THRB: variants seen among roughly 807,000 people sequenced by gnomAD.
THRB encodes the protein nuclear receptor subfamily 1 group A member 2.
Under a neutral mutation model 47.8 loss-of-function variants are expected in THRB, and 12 were observed. The ratio of observed to expected loss-of-function variants is 0.25; its 90% CI spans 0.16 to 0.41. The LOEUF (loss-of-function observed/expected upper bound fraction) is 0.41. THRB is among the 10% of genes least tolerant of loss of function. The pLI is 1.00. For synonymous variants in THRB, 218 were observed against 212.2 expected, an observed-to-expected ratio of 1.03 and a Z score of -0.24; for missense variants, 348 against 589.2, an observed-to-expected ratio of 0.59 and a Z score of 4.24.
At chr3:24,351,402 T>C (rs1301884307) in intron 1 of THRB, among the ~76,000 whole-genome samples, 3 of 152,170 alleles carry the variant, frequency 2.0e-5, no homozygotes, top group Admixed American at 6.6e-5. Flanking sequence ...CTTACTAAGA[T>C]GGTTTCCCAG....
chr3:24,461,146 A>G (rs2073660067), intron 1 of THRB, among the ~76,000 whole-genome samples: 1 of 152,236 alleles, frequency 6.6e-6, no homozygotes, highest in Non-Finnish European at 1.5e-5. Context: ...AGTCACTAAG[A>G]AAAAAGAATT....
intron 1 of THRB, among the ~76,000 whole-genome samples, chr3:24,347,826 G>A (rs2063119315): frequency 6.6e-6 from 1 of 151,964 alleles, no homozygotes; most frequent in African/African-American, 2.4e-5. Flanking sequence ...AACTGAATTT[G>A]TACCTACAAA....
intron 4 of THRB, among the ~76,000 whole-genome samples, chr3:24,227,388 C>A (rs868431019): frequency 6.6e-6 from 1 of 152,126 alleles, no homozygotes; most frequent in Admixed American, 6.5e-5. Context: ...TGGTTTATGA[C>A]GTAGAAGGAG....
intron 4 of THRB, among the ~76,000 whole-genome samples, chr3:24,198,452 G>C (rs28579434): frequency 0.13 from 6,015 of 47,158 alleles, 14 homozygotes; most frequent in Non-Finnish European, 0.16. Context: ...GTCTCCCCCC[G>C]CCCCCCCCCC....
chr3:24,435,525 G>A lies in THRB; in HGVS notation c.-261+59127C>T, dbSNP rs75049424. On this transcript the variant is annotated intron_variant, in intron 1 of 10. Coordinates refer to ENST00000646209, the MANE Select transcript of THRB (RefSeq NM_001354712.2). ...CCCAGGGCCCTGAGCATCCCCATGT[G>A]GAGGTGAACACTTCCCCTCTCCCTA... Among the ~76,000 whole-genome samples, 44 of 152,224 alleles carry A rather than the reference G, an allele frequency of 2.9e-4. 4 individuals are homozygous for A. The East Asian group carries it at 4.3e-3, about 15-fold the overall frequency.
intron 1 of THRB, among the ~76,000 whole-genome samples, chr3:24,354,636 A>C: frequency 6.6e-6 from 1 of 152,134 alleles, no homozygotes; most frequent in East Asian, 1.9e-4. Context: ...ATCCGAATGG[A>C]AGGGTAGGAG....
chr3:24,269,400 C>T (rs1270722619), intron 3 of THRB, among the ~76,000 whole-genome samples: 10 of 52,698 alleles, frequency 1.9e-4, no homozygotes, highest in East Asian at 1.8e-3. Context: ...CGCGCGCGCG[C>T]GCGCACACAC....
At chr3:24,204,078 G>C (rs1262574300) in intron 4 of THRB, among the ~76,000 whole-genome samples, 2 of 152,244 alleles carry the variant, frequency 1.3e-5, no homozygotes, top group African/African-American at 4.8e-5. Flanking sequence ...TCTACCTCTG[G>C]GGGCAGGGCA....
intron 4 of THRB, among the ~76,000 whole-genome samples, chr3:24,208,313 A>C (rs7616272): frequency 0.15 from 23,346 of 152,068 alleles, 5,263 homozygotes; most frequent in African/African-American, 0.5. Flanking sequence ...CCATCAAGCT[A>C]CCAATGACTT....
At chr3:24,422,195 C>T (rs1176062946) in intron 1 of THRB, among the ~76,000 whole-genome samples, 2 of 151,924 alleles carry the variant, frequency 1.3e-5, no homozygotes, top group Admixed American at 6.6e-5. Flanking sequence ...GTTTGAGATT[C>T]TATCTAATTG....
At chr3:24,181,591 C>A (rs1388701602) in intron 5 of THRB, among the ~76,000 whole-genome samples, 1 of 152,230 alleles carries the variant, frequency 6.6e-6, no homozygotes, top group East Asian at 1.9e-4. Context: ...TAAACCTACG[C>A]TCAGGGTCAG....
chr3:24,462,583 G>C (rs2073802350), intron 1 of THRB, among the ~76,000 whole-genome samples: 2 of 152,194 alleles, frequency 1.3e-5, no homozygotes, highest in Non-Finnish European at 2.9e-5. Context: ...TTTACTTGGA[G>C]CTCCAAATCA....
intron 1 of THRB, among the ~76,000 whole-genome samples, chr3:24,417,503 G>T (rs920950144): frequency 6.6e-6 from 1 of 151,866 alleles, no homozygotes; most frequent in South Asian, 2.1e-4. Context: ...CTTTTAGGAC[G>T]ATTGATGTAT....
At chr3:24,314,470 G>A (rs2057975587) in intron 2 of THRB, among the ~76,000 whole-genome samples, 1 of 152,194 alleles carries the variant, frequency 6.6e-6, no homozygotes, top group Admixed American at 6.5e-5. Context: ...CTGCTATTAT[G>A]TGGCAATTTT....
chr3:24,441,727 G>A (rs1210524013), intron 1 of THRB, among the ~76,000 whole-genome samples: 1 of 152,166 alleles, frequency 6.6e-6, no homozygotes, highest in Non-Finnish European at 1.5e-5. Flanking sequence ...TGTTGCCCTT[G>A]TGATTAAGTG....
chr3:24,387,921 T>C (rs1049684039), intron 1 of THRB, among the ~76,000 whole-genome samples: 3 of 151,994 alleles, frequency 2.0e-5, no homozygotes, highest in African/African-American at 7.2e-5. Flanking sequence ...TCATCTCTCT[T>C]CTCTAGGGCA....
chr3:24,392,652 A>T (rs948886430), intron 1 of THRB, among the ~76,000 whole-genome samples: 3 of 152,160 alleles, frequency 2.0e-5, no homozygotes, highest in Admixed American at 6.6e-5. Context: ...TGTTGACCTC[A>T]GCAGAAACGG....
At chr3:24,472,450 A>G (rs762554720) in intron 1 of THRB, among the ~76,000 whole-genome samples, 2 of 152,168 alleles carry the variant, frequency 1.3e-5, no homozygotes, top group Non-Finnish European at 2.9e-5. Context: ...TCTGGCCACA[A>G]TTCCTTTTGT....
chr3:24,218,300 T>A (rs1188002790), intron 4 of THRB, among the ~76,000 whole-genome samples: 1 of 145,216 alleles, frequency 6.9e-6, no homozygotes, highest in Non-Finnish European at 1.5e-5. Flanking sequence ...AAAATTTCCA[T>A]AAAGAATAAC....
Sources: allele counts gnomAD v4.1 joint callset (sites outside exome capture counted in the v4.1 genomes callset), GRCh38; gene constraint gnomAD v4.1.1; transcripts MANE v1.5; gene names NCBI Gene and HGNC (gene_info 2026-07-23, HGNC 2026-07-21).